BAZ2A: variants seen among roughly 807,000 people sequenced by gnomAD.
BAZ2A encodes bromodomain adjacent to zinc finger domain 2A, also known as bromodomain adjacent to zinc finger domain protein 2A.
Under a neutral mutation model 199.9 loss-of-function variants are expected in BAZ2A, and 34 were observed. The ratio of observed to expected loss-of-function variants is 0.17; its 90% CI spans 0.13 to 0.23. BAZ2A has a LOEUF of 0.23. Ranked by LOEUF, BAZ2A falls within the 10% of genes least tolerant of loss-of-function variation. The pLI is 1.00. For missense variants in BAZ2A, 2,002 were observed against 2,391.1 expected, an observed-to-expected ratio of 0.84 and a Z score of 3.39; for synonymous variants, 857 against 883.9, an observed-to-expected ratio of 0.97 and a Z score of 0.54.
rs1415378475 is a variant in BAZ2A, at chr12:56,602,819, G to C, written c.3318C>G (p.Ser1106=). Residue 1106 remains serine, a synonymous_variant, in exon 19 of 29, where the codon TCC becomes TCG. Transcript: ENST00000549884. ...LFFRKKLLHS[S]QMLRAVSLGQ... ...CCAGGGAGACCGCCCGAAGCATCTGGGATGAGTGAAGCAGCTTTTTGCGAA... is the reference window on the plus strand; with the variant it reads ...CCAGGGAGACCGCCCGAAGCATCTGCGATGAGTGAAGCAGCTTTTTGCGAA... 6.2e-7 allele frequency: 1 copy of C among 1,613,460 alleles called. No individual in the cohort carries two copies. The highest frequency in any genetic ancestry group is 8.5e-7 in the Non-Finnish European group (1 of 1,179,580).
intron 1 of BAZ2A, chr12:56,621,327 A>G: frequency 1.1e-6 from 1 of 909,182 alleles, no homozygotes; most frequent in Non-Finnish European, 1.3e-6. Context: ...AAATCAGAGA[A>G]TTAAAAAGAA....
Position 56,605,212 on chromosome 12 carries a change from G to A in BAZ2A, c.2609C>T (p.Pro870Leu). ...CCCCAGGCTAGGCACATCTTTGGCA[G>A]GATCAAAGCCCAGCACCTTGCCAAA... is the stretch of plus-strand genomic sequence containing the variant. ...HSFGKVLGFD[P>L]AKDVPSLGVL... is the part of the protein sequence containing the mutation. Residue 870 changes from proline (P) to leucine (L), a missense_variant, in exon 14 of 29, where the codon CCT (proline) becomes CTT (leucine). Pro to Leu is a moderately conservative substitution (Grantham distance 98). Coordinates refer to ENST00000549884, the MANE Select transcript of BAZ2A (RefSeq NM_001300905.2). The A allele has an allele frequency of 6.2e-7, 1 of 1,613,808 alleles. No individual in the cohort carries two copies. Among genetic ancestry groups the A allele is most frequent in the Non-Finnish European group, 8.5e-7 (1 of 1,179,862 alleles).
At chr12:56,608,124 G>A (rs1422475850) in intron 10 of BAZ2A, among the ~76,000 whole-genome samples, 1 of 150,614 alleles carries the variant, frequency 6.6e-6, no homozygotes, top group Non-Finnish European at 1.5e-5. Context: ...TGTAATCCCA[G>A]CACTTTGAGA....
Position 56,598,521 on chromosome 12 carries a change from A to G in BAZ2A, c.*97T>C. On this transcript the variant is annotated 3_prime_UTR_variant, in exon 29 of 29. Coordinates refer to ENST00000549884, the MANE Select transcript of BAZ2A (RefSeq NM_001300905.2). ...AAAAATCAGGGTTGTATCTGACTTG[A>G]GTCTGGACCCAGGGCAGCATCAGCA... 1 of 1,452,474 alleles carries G rather than the reference A, an allele frequency of 6.9e-7. No individual in the cohort carries two copies. 90.0% of individuals were successfully genotyped at this position (1,452,474 alleles called of 1,614,324 possible).
chr12:56,632,966 C>G (rs1951355111), upstream of BAZ2A, among the ~76,000 whole-genome samples: 1 of 152,190 alleles, frequency 6.6e-6, no homozygotes, highest in Non-Finnish European at 1.5e-5. Context: ...ACCCACCCAC[C>G]TCTCTTTTCC....
rs1592584434 is a variant in BAZ2A at position 56,610,111 on chromosome 12, C to T, written c.1881+3G>A. 1.2e-6 allele frequency: 2 copies of T among 1,613,784 alleles called. No individual in the cohort carries two copies. The highest frequency in any genetic ancestry group is 1.7e-6 in the Non-Finnish European group (2 of 1,179,724). ...AAAGCATATTTAACCCTTGGGTCTG[C>T]ACCTCTGGCGTGTCTCTTTCTTCAA... On this transcript the variant is annotated splice_donor_region_variant and intron_variant, in intron 9 of 28. Coordinates refer to ENST00000549884, the MANE Select transcript of BAZ2A (RefSeq NM_001300905.2).
In BAZ2A at chr12:56,609,820, C is replaced by T. The variant is rs1308839205; in HGVS notation, c.2008G>A (p.Gly670Ser). 2 of 1,613,834 alleles carry T rather than the reference C, an allele frequency of 1.2e-6. No individual in the cohort carries two copies. The highest frequency in any genetic ancestry group is 1.7e-6 in the Non-Finnish European group (2 of 1,179,844). ...KTKEVPKVKR[G>S]RGRPPKVKIT... ...TTGACCTTAGGTGGCCGACCTCGAC[C>T]CCGTTTCACCTTGGGGACTTCCTTA... is the stretch of plus-strand genomic sequence containing the variant. The change falls in exon 10 of 29, where the codon GGT (glycine) becomes AGT (serine). Residue 670 changes from glycine (G) to serine (S), a missense_variant. By Grantham distance (56) the Gly-to-Ser change is moderately conservative (BLOSUM62 0). Around this residue, in one of 6 missense-constraint regions of BAZ2A, gnomAD observed 1,081 missense variants for 1,274.7 expected, o/e 0.85. Coordinates refer to ENST00000549884, the MANE Select transcript of BAZ2A (RefSeq NM_001300905.2).
At chr12:56,602,310 G>A in intron 19 of BAZ2A, 118 bp from the exon 20 acceptor site, 1 of 898,010 alleles carries the variant, frequency 1.1e-6, no homozygotes, top group Non-Finnish European at 1.6e-6. Flanking sequence ...CCTTTTTTGA[G>A]ATTCCACTGG....
At chr12:56,624,915 G>A (rs544585921) in intron 1 of BAZ2A, among the ~76,000 whole-genome samples, 7 of 151,946 alleles carry the variant, frequency 4.6e-5, no homozygotes, top group East Asian at 1.9e-4. Context: ...ATAAATAAAC[G>A]TAAGCTCTGA....
At chr12:56,605,437 T>C in intron 13 of BAZ2A, 110 bp from the exon 14 acceptor site, 5 of 1,226,194 alleles carry the variant, frequency 4.1e-6, no homozygotes, top group Non-Finnish European at 4.4e-6. Context: ...TTTTTTTTTT[T>C]TTGAGATAGG....
intron 2 of BAZ2A, among the ~76,000 whole-genome samples, chr12:56,616,534 C>T (rs749327517): frequency 7.2e-5 from 11 of 152,110 alleles, no homozygotes; most frequent in Non-Finnish European, 1.3e-4. Context: ...GTAGGGGGGG[C>T]ACTTTGTGTG....
At chr12:56,616,682 T>C (rs991283593) in intron 2 of BAZ2A, among the ~76,000 whole-genome samples, 1 of 152,292 alleles carries the variant, frequency 6.6e-6, no homozygotes, top group Middle Eastern at 3.4e-3. Context: ...TCTGCAACCC[T>C]CTTCGAGAGG....
upstream of BAZ2A, chr12:56,635,044 G>A (rs1565844181): frequency 3.0e-6 from 3 of 984,740 alleles, no homozygotes; most frequent in African/African-American, 3.5e-5. This position sits in a 1 kb window ranked among gnomAD's most constrained non-coding sequence, Gnocchi z 4.1. Flanking sequence ...CTGGGCCGGC[G>A]GCGGCGGAGG....
At chr12:56,602,221 T>C (rs773072570) in intron 19 of BAZ2A, 29 bp from the exon 20 acceptor site, 2 of 1,514,744 alleles carry the variant, frequency 1.3e-6, no homozygotes, top group Non-Finnish European at 1.8e-6. Flanking sequence ...AGTTAAGCCA[T>C]ATGCTGACAT....
intron 1 of BAZ2A, among the ~76,000 whole-genome samples, chr12:56,625,875 CAAAAAAAAAAAA>C (rs748737235): frequency 1.8e-5 from 1 of 55,304 alleles, no homozygotes; most frequent in Non-Finnish European, 3.9e-5. Flanking sequence ...AACTCCGTCT[CAAAAAAAAAAAA>C]AAAAAAAAAA....
chr12:56,603,793 A>G (rs1950256725), intron 16 of BAZ2A, 93 bp from the exon 17 acceptor site: 1 of 1,418,176 alleles, frequency 7.1e-7, no homozygotes, highest in African/African-American at 1.4e-5. Flanking sequence ...CAGGCGGATC[A>G]CCTGAGGTCA....
upstream of BAZ2A, chr12:56,630,792 C>CA: frequency 1.0e-6 from 1 of 985,636 alleles, no homozygotes; most frequent in East Asian, 1.1e-4. Flanking sequence ...CCCTTCAGTG[C>CA]AGCCTGGTCC....
At chr12:56,625,233 G>A (rs1951048754) in intron 1 of BAZ2A, among the ~76,000 whole-genome samples, 2 of 141,998 alleles carry the variant, frequency 1.4e-5, no homozygotes, top group Admixed American at 1.5e-4. Flanking sequence ...TCTGCTCACT[G>A]CAACCTCCAT....
At position 56,603,340 on chromosome 12, in the gene BAZ2A, G is replaced by A. The variant is rs780882400; in HGVS notation, c.3279+19C>T. ...CCCAGCCCATATCTCCAACTCTTGG[G>A]AGGTTAGAAGCACAATACCTTGCTG... is the stretch of plus-strand genomic sequence containing the variant. On this transcript the variant is annotated intron_variant, in intron 18 of 28. Transcript: ENST00000549884. The A allele has an allele frequency of 1.9e-6, 3 of 1,612,584 alleles. No individual in the cohort carries two copies. The South Asian group carries it at 3.3e-5, about 18-fold the overall frequency.
Sources: gnomAD v4.1 joint callset for allele counts (sites outside exome capture counted in the v4.1 genomes callset) on GRCh38, gnomAD v4.1.1 for gene constraint, gnomAD v4.1.1 regional missense constraint, Gnocchi (gnomAD v3.1) non-coding constraint, MANE v1.5 for transcripts, NCBI Gene and HGNC (gene_info 2026-07-23, HGNC 2026-07-21) for gene names.